Variants in RASEF observed in about 807,000 individuals in gnomAD.
The protein encoded by RASEF is ras and EF-hand domain-containing protein.
RASEF carries 68 observed loss-of-function variants against 90.1 expected under a neutral mutation model. The observed-to-expected ratio is 0.75, with a 90% CI of 0.62 to 0.92. The LOEUF is 0.92. Ranked by LOEUF, RASEF falls within the 40% of genes least tolerant of loss-of-function variation. The probability of loss-of-function intolerance (pLI) is 0.00; values close to 1 mark genes in which losing one functional copy is unlikely to be tolerated. For missense variants in RASEF, 949 were observed against 937.2 expected (o/e 1.01, Z -0.16); for synonymous variants, 331 against 345.2 (o/e 0.96, Z 0.46).
the RASEF span, among the ~76,000 whole-genome samples, chr9:83,197,528 T>A: frequency 0.2 from 30,750 of 151,802 alleles, 3,179 homozygotes; most frequent in Admixed American, 0.25. Flanking sequence ...GATGATTTTT[T>A]AAAAAAATTT....
the RASEF span, among the ~76,000 whole-genome samples, chr9:83,093,103 A>G: frequency 6.6e-6 from 1 of 152,122 alleles, no homozygotes; most frequent in Non-Finnish European, 1.5e-5. Flanking sequence ...CCTGAGCTAG[A>G]CACAGGGTGC....
chr9:83,160,028 TG>T, the RASEF span, among the ~76,000 whole-genome samples: 1 of 152,238 alleles, frequency 6.6e-6, no homozygotes, highest in African/African-American at 2.4e-5. Flanking sequence ...CCCAGCCACG[TG>T]GAACTGTAAG....
the RASEF span, among the ~76,000 whole-genome samples, chr9:83,164,347 G>GTGTGTATATATATA: frequency 0.05 from 6,524 of 129,508 alleles, 242 homozygotes; most frequent in Admixed American, 0.067. Context: ...GTATATGTGT[G>GTGTGTATATATATA]TATATATATA....
At chr9:83,159,369 A>G in the RASEF span, among the ~76,000 whole-genome samples, 1 of 152,158 alleles carries the variant, frequency 6.6e-6, no homozygotes, top group African/African-American at 2.4e-5. Context: ...TGGTTTGTTC[A>G]GCATCATTTG....
the RASEF span, among the ~76,000 whole-genome samples, chr9:83,137,002 T>C: frequency 6.6e-6 from 1 of 152,134 alleles, no homozygotes; most frequent in African/African-American, 2.4e-5. Flanking sequence ...GCAAACATTC[T>C]ATCCTTTGTC....
the RASEF span, among the ~76,000 whole-genome samples, chr9:83,106,035 A>G: frequency 1.3e-5 from 2 of 152,166 alleles, no homozygotes; most frequent in Non-Finnish European, 2.9e-5. Context: ...AGGAATACCC[A>G]AAATATAAGT....
chr9:83,155,272 G>A, the RASEF span, among the ~76,000 whole-genome samples: 1 of 152,076 alleles, frequency 6.6e-6, no homozygotes, highest in African/African-American at 2.4e-5. Context: ...CTGTGTTTGG[G>A]TGTATTAGTC....
intron 6 of RASEF, among the ~76,000 whole-genome samples, chr9:83,008,927 T>TATATATATAG (rs1208726182): frequency 8.4e-5 from 11 of 131,182 alleles, no homozygotes; most frequent in African/African-American, 3.1e-4. Flanking sequence ...TATATATATA[T>TATATATATAG]ATATATATGA....
the RASEF span, among the ~76,000 whole-genome samples, chr9:83,179,562 T>G: frequency 1.3e-5 from 2 of 152,328 alleles, no homozygotes; most frequent in East Asian, 3.9e-4. Context: ...GAGATCAAAC[T>G]GCATCAAGGC....
chr9:83,025,633 A>T, intron 2 of RASEF, 142 bp downstream of exon 2: 1 of 682,386 alleles, frequency 1.5e-6, no homozygotes, highest in Non-Finnish European at 2.3e-6. Flanking sequence ...TTGCTGGCTT[A>T]ATTTTGAAAG....
the RASEF span, among the ~76,000 whole-genome samples, chr9:83,081,170 C>T: frequency 1.3e-5 from 2 of 152,108 alleles, no homozygotes; most frequent in African/African-American, 4.8e-5. Flanking sequence ...CAAGGTCACA[C>T]CGACAATTAA....
intron 3 of RASEF, among the ~76,000 whole-genome samples, chr9:83,021,376 G>GT (rs1829441455): frequency 6.6e-6 from 1 of 152,182 alleles, no homozygotes; most frequent in Admixed American, 6.5e-5. Context: ...CTGCCACTCA[G>GT]TGTTAACAGG....
At position 82,979,996 on chromosome 9, in the gene RASEF, T is replaced by C. The variant is rs1286888509; in HGVS notation, c.*2681A>G. The C allele has an allele frequency of 1.3e-5, 2 of 152,176 alleles. No individual in the cohort carries two copies. The allele number at this position is 152,176 out of a possible 1,614,324, so 9.4% of individuals were successfully genotyped here. The stretch of plus-strand genomic sequence containing the variant: ...AAATAATCAAATGTCACATATGTCA[T>C]ATAAAGCAGCAAGTGAAAAAAATAA... On this transcript the variant is annotated 3_prime_UTR_variant, in exon 17 of 17. Coordinates refer to ENST00000376447, the MANE Select transcript of RASEF (RefSeq NM_152573.4).
chr9:83,087,723 T>C, the RASEF span, among the ~76,000 whole-genome samples: 1 of 152,120 alleles, frequency 6.6e-6, no homozygotes, highest in Non-Finnish European at 1.5e-5. Flanking sequence ...AACCAACTTT[T>C]GGTTTTATTC....
chr9:83,047,140 G>T (rs1348241235), intron 1 of RASEF, among the ~76,000 whole-genome samples: 2 of 152,048 alleles, frequency 1.3e-5, no homozygotes, highest in Non-Finnish European at 2.9e-5. Flanking sequence ...ATGGGAAGGG[G>T]CTCTCAGAAC....
chr9:83,129,861 T>C, the RASEF span, among the ~76,000 whole-genome samples: 3 of 152,326 alleles, frequency 2.0e-5, no homozygotes, highest in South Asian at 4.1e-4. Context: ...ACAAAACACG[T>C]TGACTTAAAA....
the RASEF span, among the ~76,000 whole-genome samples, chr9:83,149,989 T>G: frequency 3.3e-5 from 5 of 152,292 alleles, no homozygotes; most frequent in Non-Finnish European, 7.4e-5. Context: ...TCAGACACGA[T>G]TAGTGAGTAC....
intron 1 of RASEF, among the ~76,000 whole-genome samples, chr9:83,046,108 T>C (rs1273052721): frequency 6.6e-6 from 1 of 152,158 alleles, no homozygotes; most frequent in Non-Finnish European, 1.5e-5. Flanking sequence ...TATTTTAAGC[T>C]CAGGGGTACA....
At chr9:83,048,177 G>A in intron 1 of RASEF, 1 of 985,388 alleles carries the variant, frequency 1.0e-6, no homozygotes, top group East Asian at 1.1e-4. Context: ...AGCCCACAGT[G>A]TAGTAAGAGC....
Sources: gnomAD v4.1 joint callset for allele counts (sites outside exome capture counted in the v4.1 genomes callset) on GRCh38, gnomAD v4.1.1 for gene constraint, MANE v1.5 for transcripts, NCBI Gene and HGNC (gene_info 2026-07-23, HGNC 2026-07-21) for gene names.